Variants in RPIA observed in about 807,000 individuals in gnomAD.
RPIA encodes ribose-5-phosphate isomerase.
Under a neutral mutation model 37.8 loss-of-function variants are expected in RPIA, and 29 were observed. The observed-to-expected ratio is 0.77, with a 90% confidence interval of 0.57 to 1.05. The LOEUF is 1.05. Among genes scored for constraint, RPIA ranks in the 50% least tolerant of loss-of-function variants. The pLI is 0.00. For missense variants in RPIA, 385 were observed against 413.6 expected (o/e 0.93, Z 0.60); for synonymous variants, 167 against 157.0 (o/e 1.06, Z -0.48).
chr2:88,728,861 C>T (rs546936303), intron 3 of RPIA, among the ~76,000 whole-genome samples: 1 of 152,274 alleles, frequency 6.6e-6, no homozygotes, highest in East Asian at 1.9e-4. Flanking sequence ...GAAACCACTC[C>T]GTGTCCATTC....
intron 1 of RPIA, among the ~76,000 whole-genome samples, chr2:88,697,157 G>A (rs73951949): frequency 0.062 from 9,399 of 152,192 alleles, 519 homozygotes; most frequent in African/African-American, 0.14. Context: ...AAAGACAAAG[G>A]CACATACCTT....
chr2:88,737,891 T>A, intron 7 of RPIA, 86 bp from the exon 8 acceptor site: 1 of 979,502 alleles, frequency 1.0e-6, no homozygotes, highest in Non-Finnish European at 1.6e-6. Context: ...AATGCATACT[T>A]GTCTTTGGTT....
At chr2:88,694,147 C>G (rs1231956692) in intron 1 of RPIA, among the ~76,000 whole-genome samples, 1 of 152,254 alleles carries the variant, frequency 6.6e-6, no homozygotes, top group Admixed American at 6.5e-5. Flanking sequence ...TCTAGCAGGG[C>G]CTGCTTGGCA....
intron 3 of RPIA, among the ~76,000 whole-genome samples, chr2:88,710,528 A>G (rs929265339): frequency 6.6e-6 from 1 of 152,148 alleles, no homozygotes; most frequent in Non-Finnish European, 1.5e-5. Flanking sequence ...AAACCATTGT[A>G]GTAACTATCC....
rs369892157 is a variant in RPIA at position 88,723,900 on chromosome 2, G to A, written c.403-5378G>A. Among the ~76,000 whole-genome samples the A allele has an allele frequency of 3.3e-4, 50 of 152,106 alleles. 1 individual carries two copies. The East Asian group carries it at 5.4e-3, about 17-fold the overall frequency. ...AAGGTGGGACAACTCAAGCAAAGGC[G>A]GGAAGACTTGAAGCTGGAAGGGAGC... On this transcript the variant is annotated intron_variant, in intron 3 of 8. Transcript: ENST00000283646.
At chr2:88,741,150 G>T (rs376354321) in intron 8 of RPIA, among the ~76,000 whole-genome samples, 1 of 152,018 alleles carries the variant, frequency 6.6e-6, no homozygotes, top group South Asian at 2.1e-4. Flanking sequence ...AGATTTTGTT[G>T]CACCCATTAC....
chr2:88,721,366 T>TA (rs886448199), intron 3 of RPIA, among the ~76,000 whole-genome samples: 2 of 150,230 alleles, frequency 1.3e-5, no homozygotes, highest in African/African-American at 2.4e-5. Context: ...AAGTATAATT[T>TA]AAAAAAAAGA....
chr2:88,735,706 G>T lies in RPIA; in HGVS notation c.565G>T (p.Ala189Ser). 6.2e-7 allele frequency: 1 copy of T among 1,614,148 alleles called. No homozygotes were observed. Among genetic ancestry groups the T allele is most frequent in the Non-Finnish European group, 8.5e-7 (1 of 1,180,006 alleles). The change falls in exon 6 of 9, where the codon GCT becomes TCT. Residue 189 changes from alanine (A) to serine (S), a missense_variant. Coordinates refer to ENST00000283646, the MANE Select transcript of RPIA (RefSeq NM_144563.3). ...LTQEKIVAGY[A>S]SRFIVIADFR... is the part of the protein sequence containing the mutation. ...CCAGGAGAAGATTGTGGCTGGCTAT[G>T]CTAGTCGCTTCATCGTGATCGCTGA...
intron 8 of RPIA, among the ~76,000 whole-genome samples, chr2:88,742,263 T>C (rs1178620848): frequency 2.6e-5 from 4 of 152,216 alleles, no homozygotes; most frequent in African/African-American, 7.2e-5. Flanking sequence ...CATTCTTCTA[T>C]ATGTGGCTTG....
Position 88,691,844 on chromosome 2 carries a change from C to A in RPIA, c.146C>A (p.Ser49Tyr), listed in dbSNP as rs768394474. 1 of 1,598,452 alleles carries A rather than the reference C, an allele frequency of 6.3e-7. No individual in the cohort carries two copies. Among genetic ancestry groups the A allele is most frequent in the Non-Finnish European group, 8.5e-7 (1 of 1,174,158 alleles). ...GTGCGGCTGCCGGGGCGTGCACAGTCTGGGACCCGTGGCGGTGCTGGCAAC... is the reference window on the plus strand; with the variant it reads ...GTGCGGCTGCCGGGGCGTGCACAGTATGGGACCCGTGGCGGTGCTGGCAAC... ...SHVRLPGRAQ[S>Y]GTRGGAGNTS... The change falls in exon 1 of 9, where the codon TCT becomes TAT. Residue 49 changes from serine to tyrosine, a missense_variant. Physicochemically the swap from Ser to Tyr is moderately radical, Grantham distance 144. Transcript: ENST00000283646.
chr2:88,700,144 GT>G, intron 3 of RPIA, 80 bp downstream of exon 3: 1 of 1,328,452 alleles, frequency 7.5e-7, no homozygotes, highest in Non-Finnish European at 1.1e-6. Flanking sequence ...CTATGGCCTT[GT>G]CTTGTACCTC....
chr2:88,704,012 AAAC>A (rs1206587669), intron 3 of RPIA, among the ~76,000 whole-genome samples: 1 of 152,204 alleles, frequency 6.6e-6, no homozygotes, highest in Non-Finnish European at 1.5e-5. Context: ...CTCTTTGCTA[AAAC>A]AACGAGTCAC....
intron 8 of RPIA, among the ~76,000 whole-genome samples, chr2:88,742,398 A>G (rs865882920): frequency 6.6e-6 from 1 of 152,082 alleles, no homozygotes; most frequent in Non-Finnish European, 1.5e-5. Context: ...ATTCTATTCC[A>G]TTGGTCTATA....
At chr2:88,701,936 A>T (rs1202504394) in intron 3 of RPIA, among the ~76,000 whole-genome samples, 1 of 152,250 alleles carries the variant, frequency 6.6e-6, no homozygotes, top group East Asian at 1.9e-4. Context: ...AATCAACAAT[A>T]TGATGAGCAA....
chr2:88,699,951 A>T (rs1319397781), intron 2 of RPIA, 58 bp from the exon 3 acceptor site: 6 of 1,570,446 alleles, frequency 3.8e-6, no homozygotes, highest in Admixed American at 1.7e-5. Context: ...AACACATATG[A>T]CAAGAAGAAT....
chr2:88,714,293 C>T (rs1197681487), intron 3 of RPIA, among the ~76,000 whole-genome samples: 4 of 152,064 alleles, frequency 2.6e-5, no homozygotes, highest in Non-Finnish European at 5.9e-5. Flanking sequence ...GTCTCAGCCT[C>T]CAAGTAGCTG....
intron 8 of RPIA, 92 bp from the exon 9 acceptor site, chr2:88,749,889 A>G: frequency 1.2e-6 from 1 of 808,354 alleles, no homozygotes; most frequent in Non-Finnish European, 2.2e-6. Context: ...AATGCTGTGT[A>G]TGACAGTTGC....
At chr2:88,694,391 T>C (rs939957482) in intron 1 of RPIA, among the ~76,000 whole-genome samples, 1 of 152,248 alleles carries the variant, frequency 6.6e-6, no homozygotes, top group Non-Finnish European at 1.5e-5. Context: ...GCCACCTGCC[T>C]GCTGGGGACT....
chr2:88,735,808 G>A (rs1021681580), intron 6 of RPIA, 71 bp downstream of exon 6: 3 of 1,448,474 alleles, frequency 2.1e-6, no homozygotes, highest in Non-Finnish European at 1.9e-6. Context: ...CCCCATTTTT[G>A]TGAAAGAGGA....
Sources: gnomAD v4.1 joint callset for allele counts (sites outside exome capture counted in the v4.1 genomes callset) on GRCh38, gnomAD v4.1.1 for gene constraint, MANE v1.5 for transcripts, NCBI Gene and HGNC (gene_info 2026-07-23, HGNC 2026-07-21) for gene names.